ITGA9: variants seen among roughly 807,000 people sequenced by gnomAD.
ITGA9 encodes integrin subunit alpha 9.
ITGA9 carries 56 observed loss-of-function variants against 127.8 expected under a neutral mutation model. That is an observed-to-expected ratio of 0.44 (90% CI 0.35 to 0.55). The LOEUF (loss-of-function observed/expected upper bound fraction) is 0.55, where lower values mean the gene tolerates loss of function less well. Among genes scored for constraint, ITGA9 ranks in the 20% least tolerant of loss-of-function variants. The pLI is 0.00. For missense variants in ITGA9, 1,196 were observed against 1,347.1 expected, an observed-to-expected ratio of 0.89 and a Z score of 1.76; for synonymous variants, 508 against 514.5, an observed-to-expected ratio of 0.99 and a Z score of 0.17.
intron 23 of ITGA9, among the ~76,000 whole-genome samples, chr3:37,775,425 A>G (rs537680815): frequency 2.6e-5 from 4 of 152,124 alleles, no homozygotes; most frequent in African/African-American, 7.2e-5. Flanking sequence ...CGGGCGGATC[A>G]TGAGGTCAGG....
intron 1 of ITGA9, among the ~76,000 whole-genome samples, chr3:37,457,171 A>G (rs541511522): frequency 1.2e-4 from 18 of 152,386 alleles, no homozygotes; most frequent in Non-Finnish European, 1.0e-4. Context: ...TGCCTGCTGA[A>G]GAGGTTGAAT....
chr3:37,724,651 C>T (rs558244191), intron 18 of ITGA9, among the ~76,000 whole-genome samples: 1 of 152,086 alleles, frequency 6.6e-6, no homozygotes, highest in Non-Finnish European at 1.5e-5. Context: ...ATCTGCCCAC[C>T]ACGCCCAGCT....
At chr3:37,648,055 A>G (rs1481750517) in intron 16 of ITGA9, among the ~76,000 whole-genome samples, 2 of 152,010 alleles carry the variant, frequency 1.3e-5, no homozygotes, top group Non-Finnish European at 2.9e-5. Context: ...GAGGAATTGC[A>G]GGGTCATATA....
At chr3:37,646,997 T>C (rs1259205897) in intron 16 of ITGA9, among the ~76,000 whole-genome samples, 1 of 152,004 alleles carries the variant, frequency 6.6e-6, no homozygotes, top group Admixed American at 6.6e-5. Flanking sequence ...TGCCTTTCAG[T>C]TCCTTAGGAA....
intron 7 of ITGA9, among the ~76,000 whole-genome samples, chr3:37,507,585 G>T (rs75957444): frequency 0.038 from 5,790 of 152,206 alleles, 147 homozygotes; most frequent in Non-Finnish European, 0.055. Flanking sequence ...AATTGATAGA[G>T]CCAGACAGCG....
intron 15 of ITGA9, among the ~76,000 whole-genome samples, chr3:37,607,315 G>A (rs994939945): frequency 3.3e-5 from 5 of 152,072 alleles, no homozygotes; most frequent in Non-Finnish European, 7.4e-5. Flanking sequence ...TTTAGAAATT[G>A]GGTAACTCAG....
intron 15 of ITGA9, among the ~76,000 whole-genome samples, chr3:37,575,757 A>ATGCATGGC (rs1343654185): frequency 3.9e-5 from 6 of 152,156 alleles, no homozygotes; most frequent in Non-Finnish European, 8.8e-5. Context: ...ATGGCTACAG[A>ATGCATGGC]TGCATGGCTG....
At chr3:37,614,854 G>A (rs1700058692) in intron 15 of ITGA9, among the ~76,000 whole-genome samples, 1 of 152,176 alleles carries the variant, frequency 6.6e-6, no homozygotes, top group Non-Finnish European at 1.5e-5. Flanking sequence ...ATCAGCTTAA[G>A]GAGATTTTGG....
At chr3:37,662,353 A>T (rs1700546295) in intron 17 of ITGA9, among the ~76,000 whole-genome samples, 1 of 152,054 alleles carries the variant, frequency 6.6e-6, no homozygotes, top group Non-Finnish European at 1.5e-5. Context: ...CAATGAGCTG[A>T]GATGGCACCA....
intron 18 of ITGA9, among the ~76,000 whole-genome samples, chr3:37,722,929 C>T (rs1381435547): frequency 2.0e-5 from 3 of 152,176 alleles, no homozygotes; most frequent in African/African-American, 7.2e-5. Flanking sequence ...TTTACATTCC[C>T]ATCAGTAGTA....
intron 18 of ITGA9, among the ~76,000 whole-genome samples, chr3:37,712,285 C>T (rs1217320201): frequency 1.3e-5 from 2 of 152,198 alleles, no homozygotes; most frequent in Non-Finnish European, 2.9e-5. Flanking sequence ...TTCCATGTGT[C>T]CTCCTGAAAC....
intron 17 of ITGA9, among the ~76,000 whole-genome samples, chr3:37,670,466 AATG>A (rs1403333189): frequency 6.6e-6 from 1 of 152,200 alleles, no homozygotes; most frequent in Non-Finnish European, 1.5e-5. Flanking sequence ...CGGATAAGGA[AATG>A]ATTGCATTTT....
chr3:37,736,868 C>T, intron 19 of ITGA9, 36 bp from the exon 20 acceptor site: 2 of 1,372,226 alleles, frequency 1.5e-6, no homozygotes, highest in Non-Finnish European at 2.1e-6. Flanking sequence ...GTTTGGAATG[C>T]CTGCTGATGC....
At chr3:37,516,205 G>T (rs1195701754) in intron 9 of ITGA9, among the ~76,000 whole-genome samples, 1 of 152,150 alleles carries the variant, frequency 6.6e-6, no homozygotes, top group Non-Finnish European at 1.5e-5. Flanking sequence ...CTGCCAACCA[G>T]TGTTTCTTGA....
At position 37,792,229 on chromosome 3, in the gene ITGA9, A is replaced by G. The variant is rs543739674; in HGVS notation, c.2889+7151A>G. ...TGGTCATCATTTGCTTATTTGTTTG[A>G]TGAATATTTATTGAGGGCTTGCTAA... On this transcript the variant is annotated intron_variant, in intron 26 of 27. Transcript: ENST00000264741. Among the ~76,000 whole-genome samples the G allele has an allele frequency of 5.9e-5, 9 of 152,314 alleles. No homozygotes were observed. In the South Asian group the frequency reaches 1.9e-3, roughly 32 times the overall value.
chr3:37,512,029 TTTC>T (rs1461404356), intron 8 of ITGA9, among the ~76,000 whole-genome samples: 12 of 30,946 alleles, frequency 3.9e-4, no homozygotes, highest in Admixed American at 9.9e-4. Context: ...TTTTCTTTTC[TTTC>T]TTTCTTTCTT....
At chr3:37,613,262 C>T (rs537153570) in intron 15 of ITGA9, among the ~76,000 whole-genome samples, 22 of 152,242 alleles carry the variant, frequency 1.4e-4, no homozygotes, top group Non-Finnish European at 2.4e-4. Flanking sequence ...TGGTTTTCAG[C>T]TTCATCCATG....
intron 1 of ITGA9, among the ~76,000 whole-genome samples, chr3:37,470,140 G>GTTTTTTTTTTTTTTTTTTT (rs71288094): frequency 7.5e-6 from 1 of 133,100 alleles, no homozygotes; most frequent in East Asian, 2.1e-4. Flanking sequence ...GTTTCTTCTT[G>GTTTTTTTTTTTTTTTTTTT]TTTTTTTTTT....
At chr3:37,725,802 A>G (rs932822061) in intron 18 of ITGA9, among the ~76,000 whole-genome samples, 3 of 152,220 alleles carry the variant, frequency 2.0e-5, no homozygotes, top group Non-Finnish European at 2.9e-5. Context: ...TTATGACTTC[A>G]TTTTACTGGT....
Sources: gnomAD v4.1 joint callset for allele counts (sites outside exome capture counted in the v4.1 genomes callset) on GRCh38, gnomAD v4.1.1 for gene constraint, MANE v1.5 for transcripts, NCBI Gene and HGNC (gene_info 2026-07-23, HGNC 2026-07-21) for gene names.